Variants in SPATA7 observed in about 807,000 individuals in gnomAD.
SPATA7 encodes the protein spermatogenesis-associated protein 7.
In SPATA7, 43 loss-of-function variants were observed where a neutral mutation model predicts 51.8. The observed-to-expected ratio is 0.83, with a 90% CI of 0.65 to 1.07. The LOEUF is 1.07. SPATA7 is among the 50% of genes least tolerant of loss of function. The pLI is 0.00. For synonymous variants in SPATA7, 230 were observed against 252.8 expected (o/e 0.91, Z 0.86); for missense variants, 683 against 701.3 (o/e 0.97, Z 0.30).
chr14:88,421,161 G>A (rs1328344734), intron 5 of SPATA7, among the ~76,000 whole-genome samples: 1 of 151,978 alleles, frequency 6.6e-6, no homozygotes, highest in East Asian at 1.9e-4. Context: ...ATAAATATCT[G>A]ATGTTTAGAT....
At chr14:88,446,947 A>G (rs2077217838) in intron 3 of SPATA7, among the ~76,000 whole-genome samples, 1 of 152,146 alleles carries the variant, frequency 6.6e-6, no homozygotes, top group South Asian at 2.1e-4. Context: ...GTGCTGAAAA[A>G]AATGTACATT....
intron 5 of SPATA7, among the ~76,000 whole-genome samples, chr14:88,421,927 G>T (rs914121152): frequency 3.4e-5 from 5 of 147,750 alleles, no homozygotes; most frequent in East Asian, 2.0e-4. Flanking sequence ...CAGCCTGGGC[G>T]ACAGAGCGAG....
chr14:88,425,587 A>G (rs1048234293), intron 5 of SPATA7, among the ~76,000 whole-genome samples: 2 of 152,162 alleles, frequency 1.3e-5, no homozygotes, highest in African/African-American at 4.8e-5. Context: ...ACCTGTAGAA[A>G]TGGTTTTCCT....
At chr14:88,393,233 T>C (rs2075790859) in intron 2 of SPATA7, among the ~76,000 whole-genome samples, 160 bp from the exon 3 acceptor site, 1 of 152,174 alleles carries the variant, frequency 6.6e-6, no homozygotes, top group African/African-American at 2.4e-5. Flanking sequence ...ATTGGCATTA[T>C]CAGTGCAAGA....
intron 4 of SPATA7, chr14:88,415,199 TC>T: frequency 3.1e-6 from 1 of 322,028 alleles, no homozygotes; most frequent in South Asian, 2.8e-5. Context: ...CTAAATCTTT[TC>T]ATAGGTCTAG....
intron 5 of SPATA7, among the ~76,000 whole-genome samples, chr14:88,424,407 A>G (rs553394578): frequency 1.3e-5 from 2 of 152,342 alleles, no homozygotes; most frequent in South Asian, 2.1e-4. Context: ...CAATTTTTCC[A>G]TCCCATTTCA....
At chr14:88,396,835 T>A (rs2139885993) in intron 4 of SPATA7, among the ~76,000 whole-genome samples, 1 of 152,030 alleles carries the variant, frequency 6.6e-6, no homozygotes. Context: ...TTTTAATTTT[T>A]TGAGAAACTA....
At chr14:88,468,173 G>A (rs2077394458) in intron 4 of SPATA7, 1 of 1,613,772 alleles carries the variant, frequency 6.2e-7, no homozygotes, top group East Asian at 2.2e-5. Flanking sequence ...ACTGGATGAG[G>A]ACTCTGTACA....
chr14:88,453,239 GA>G (rs1177969598), intron 3 of SPATA7, among the ~76,000 whole-genome samples: 12 of 152,214 alleles, frequency 7.9e-5, no homozygotes, highest in Non-Finnish European at 7.3e-5. Context: ...TTTAGCTTCA[GA>G]TAAGGTTATA....
intron 4 of SPATA7, chr14:88,467,251 A>G (rs1457009865): frequency 2.6e-5 from 4 of 151,626 alleles, no homozygotes; most frequent in African/African-American, 4.9e-5. Context: ...AGCAACACAT[A>G]TATTAAAACT....
intron 10 of SPATA7, among the ~76,000 whole-genome samples, 182 bp from the exon 11 acceptor site, chr14:88,437,361 T>A (rs1177105746): frequency 3.3e-5 from 5 of 152,060 alleles, no homozygotes; most frequent in Non-Finnish European, 5.9e-5. Context: ...AAATATGTAA[T>A]GTGAAGCAAA....
chr14:88,457,253 T>C (rs1033112450), downstream of SPATA7, among the ~76,000 whole-genome samples: 26 of 152,306 alleles, frequency 1.7e-4, no homozygotes, highest in African/African-American at 6.3e-4. Flanking sequence ...TTTTTCCAGT[T>C]CTGTGAAGAA....
At chr14:88,449,499 AT>A (rs1405098815) in intron 3 of SPATA7, among the ~76,000 whole-genome samples, 1 of 152,166 alleles carries the variant, frequency 6.6e-6, no homozygotes, top group Non-Finnish European at 1.5e-5. Flanking sequence ...CCTATCATAT[AT>A]GGTCTATCTT....
chr14:88,401,891 G>A (rs905111757), intron 4 of SPATA7, among the ~76,000 whole-genome samples: 5 of 139,940 alleles, frequency 3.6e-5, no homozygotes, highest in African/African-American at 1.3e-4. Flanking sequence ...GTGATGACAT[G>A]ATATATATGT....
intron 4 of SPATA7, among the ~76,000 whole-genome samples, chr14:88,403,825 T>C (rs1427569241): frequency 6.6e-6 from 1 of 152,176 alleles, no homozygotes; most frequent in Non-Finnish European, 1.5e-5. Context: ...GGAGATCTAA[T>C]GTACAGCATT....
At chr14:88,441,332 A>G (rs1426347289), downstream of SPATA7, among the ~76,000 whole-genome samples, 2 of 152,142 alleles carry the variant, frequency 1.3e-5, no homozygotes, top group East Asian at 1.9e-4. Flanking sequence ...TCTTTTTTGT[A>G]TAATGACTTC....
intron 3 of SPATA7, among the ~76,000 whole-genome samples, chr14:88,443,819 T>A (rs1026266998): frequency 2.0e-5 from 3 of 152,220 alleles, no homozygotes; most frequent in Admixed American, 6.5e-5. Context: ...AAACTCATCC[T>A]TTTTTATGGC....
chr14:88,386,085 T>C (rs759815523), intron 1 of SPATA7: 174 of 1,385,548 alleles, frequency 1.3e-4, no homozygotes, highest in Non-Finnish European at 1.6e-4. Flanking sequence ...CCCTGTCTCC[T>C]GAACTCAGGG....
At chr14:88,415,400 G>A in intron 4 of SPATA7, 1 of 160,692 alleles carries the variant, frequency 6.2e-6, no homozygotes. Flanking sequence ...TTGCATGATA[G>A]GTCTTTCTTC....
Sources: gnomAD v4.1 joint callset for allele counts (sites outside exome capture counted in the v4.1 genomes callset) on GRCh38, gnomAD v4.1.1 for gene constraint, MANE v1.5 for transcripts, NCBI Gene and HGNC (gene_info 2026-07-23, HGNC 2026-07-21) for gene names.